LPAR1: variants seen among roughly 807,000 people sequenced by gnomAD.
LPAR1 encodes LPA receptor 1.
A neutral mutation model predicts 23.8 loss-of-function variants in LPAR1; 5 were observed. That is an observed-to-expected ratio of 0.21 (90% confidence interval 0.11 to 0.44). LPAR1 has a LOEUF of 0.44. Ranked by LOEUF, LPAR1 falls within the 20% of genes least tolerant of loss-of-function variation. The pLI, the probability that LPAR1 is intolerant of heterozygous loss-of-function variation, is 0.99. For missense variants in LPAR1, 311 were observed against 482.8 expected, an observed-to-expected ratio of 0.64 and a Z score of 3.33; for synonymous variants, 160 against 164.7, an observed-to-expected ratio of 0.97 and a Z score of 0.22.
chr9:110,893,852 C>T (rs1409384731), intron 5 of LPAR1, among the ~76,000 whole-genome samples: 1 of 152,090 alleles, frequency 6.6e-6, no homozygotes, highest in Non-Finnish European at 1.5e-5. Context: ...GTGTGCTGGC[C>T]TGCATGATGT....
chr9:110,960,469 A>G (rs991646407), intron 4 of LPAR1, among the ~76,000 whole-genome samples: 2 of 152,198 alleles, frequency 1.3e-5, no homozygotes, highest in African/African-American at 4.8e-5. Context: ...TAATGGAATT[A>G]GGAAGGAGTA....
At chr9:110,935,014 A>G (rs1293612616) in intron 5 of LPAR1, among the ~76,000 whole-genome samples, 6 of 152,242 alleles carry the variant, frequency 3.9e-5, no homozygotes, top group Non-Finnish European at 8.8e-5. Flanking sequence ...TCAGTTTCAG[A>G]TAACTTTTTT....
intron 5 of LPAR1, among the ~76,000 whole-genome samples, chr9:110,917,555 G>A (rs756515042): frequency 6.6e-6 from 1 of 152,084 alleles, no homozygotes; most frequent in Non-Finnish European, 1.5e-5. Flanking sequence ...AACCTTCACT[G>A]AGAAATGATA....
intron 4 of LPAR1, among the ~76,000 whole-genome samples, chr9:110,964,402 T>C (rs1206096404): frequency 6.6e-6 from 1 of 152,222 alleles, no homozygotes; most frequent in Admixed American, 6.5e-5. Flanking sequence ...ATTTATACTT[T>C]TGCTAAGTGT....
Position 110,941,790 on chromosome 9 carries a change from T to C in LPAR1, c.424A>G (p.Ile142Val), listed in dbSNP as rs1241307193. Reference protein sequence around the residue: ...LTASVANLLAIAIERHITVFR... With the variant: ...LTASVANLLAVAIERHITVFR... ...ACCGTAATGTGCCTCTCGATTGCAA[T>C]AGCCAGTAAGTTGGCCACAGATGCC... is the stretch of plus-strand genomic sequence containing the variant. Residue 142 changes from isoleucine (I) to valine (V), a missense_variant, in exon 5 of 6, where the codon ATT (isoleucine) becomes GTT (valine). Ile to Val is a conservative substitution (Grantham distance 29, BLOSUM62 3). Coordinates refer to ENST00000683809, the MANE Select transcript of LPAR1 (RefSeq NM_001351411.2). This position sits in a 1 kb window ranked among gnomAD's most constrained non-coding sequence, Gnocchi z 6.1. The C allele has an allele frequency of 1.2e-6, 2 of 1,614,052 alleles. No homozygotes were observed. Among genetic ancestry groups the C allele is most frequent in the South Asian group, 1.1e-5 (1 of 91,092 alleles).
intron 5 of LPAR1, among the ~76,000 whole-genome samples, chr9:110,939,771 A>G (rs986957149): frequency 5.9e-5 from 9 of 152,256 alleles, no homozygotes; most frequent in Non-Finnish European, 1.0e-4. Flanking sequence ...CAAGTTCAGT[A>G]GTCATTTGCT....
At chr9:110,947,441 C>T (rs560913307) in intron 4 of LPAR1, among the ~76,000 whole-genome samples, 31 of 152,236 alleles carry the variant, frequency 2.0e-4, no homozygotes, top group African/African-American at 7.0e-4. Context: ...TGATAGGGTT[C>T]GAGGGAAGTG....
chr9:110,982,987 A>C (rs113288152), intron 2 of LPAR1, among the ~76,000 whole-genome samples: 2,609 of 152,106 alleles, frequency 0.017, 80 homozygotes, highest in African/African-American at 0.058. Flanking sequence ...GACACCCATT[A>C]AGATAGCCAT....
At chr9:111,022,923 G>A (rs1012631790) in intron 2 of LPAR1, among the ~76,000 whole-genome samples, 4 of 151,820 alleles carry the variant, frequency 2.6e-5, no homozygotes, top group Non-Finnish European at 5.9e-5. Context: ...CATGGTGGCG[G>A]GTGCCTGTAG....
At chr9:110,959,092 G>C (rs369941520) in intron 4 of LPAR1, among the ~76,000 whole-genome samples, 13 of 141,104 alleles carry the variant, frequency 9.2e-5, no homozygotes, top group East Asian at 6.7e-4. Flanking sequence ...CAGAGAAAAG[G>C]GAACTCTTAT....
chr9:110,875,334 A>T lies in LPAR1; in HGVS notation c.*87T>A. On this transcript the variant is annotated 3_prime_UTR_variant, in exon 6 of 6. Coordinates refer to ENST00000683809, the MANE Select transcript of LPAR1 (RefSeq NM_001351411.2). ...CATGAGTTGACTTTTCTCCTCTCTC[A>T]CACCCCACCTTGCCCTGGCAATTGG... The T allele has an allele frequency of 8.3e-7, 1 of 1,199,120 alleles. No individual in the cohort carries two copies. Among genetic ancestry groups the T allele is most frequent in the Non-Finnish European group, 1.2e-6 (1 of 868,502 alleles). 74.3% of individuals were successfully genotyped at this position (1,199,120 alleles called of 1,614,324 possible). A position where few individuals can be genotyped will look rare whatever the true frequency, so the allele number is the denominator to read the frequency against.
intron 2 of LPAR1, among the ~76,000 whole-genome samples, chr9:111,030,332 A>G (rs1051169418): frequency 2.0e-5 from 3 of 152,206 alleles, no homozygotes; most frequent in African/African-American, 2.4e-5. Context: ...TCTCCCCACA[A>G]TCGTAGTCCA....
At chr9:110,938,091 T>G (rs73655701) in intron 5 of LPAR1, among the ~76,000 whole-genome samples, 3,482 of 152,258 alleles carry the variant, frequency 0.023, 129 homozygotes, top group African/African-American at 0.079. Flanking sequence ...TCAGCATTTA[T>G]TGACTACCTA....
At chr9:110,961,617 C>CAAAAAAAAAAAAAAAAAAA (rs57773067) in intron 4 of LPAR1, among the ~76,000 whole-genome samples, 1 of 79,866 alleles carries the variant, frequency 1.3e-5, no homozygotes, top group Non-Finnish European at 2.4e-5. Flanking sequence ...GAGACTATCT[C>CAAAAAAAAAAAAAAAAAAA]AAAAAAAAAA....
At chr9:110,898,757 TA>T (rs993541674) in intron 5 of LPAR1, among the ~76,000 whole-genome samples, 9 of 152,366 alleles carry the variant, frequency 5.9e-5, no homozygotes, top group African/African-American at 2.2e-4. Context: ...AATCTCTGGC[TA>T]ACTAAACTAG....
chr9:110,949,125 T>A lies in LPAR1; in HGVS notation c.46-6957A>T, dbSNP rs570689606. ...AATTAACACAAACCAAGGTCCTGAG[T>A]TGGTGATATCCCCATGCTCCTCCCA... On this transcript the variant is annotated intron_variant, in intron 4 of 5. Transcript: ENST00000683809. Among the ~76,000 whole-genome samples the A allele has an allele frequency of 4.6e-5, 7 of 152,090 alleles. No individual in the cohort carries two copies. In the South Asian group the frequency reaches 1.5e-3, roughly 32 times the overall value.
intron 5 of LPAR1, among the ~76,000 whole-genome samples, chr9:110,898,682 C>G (rs2087411002): frequency 6.6e-6 from 1 of 152,200 alleles, no homozygotes; most frequent in Non-Finnish European, 1.5e-5. Context: ...TTTTGACTAG[C>G]ACCAACTTCT....
intron 4 of LPAR1, among the ~76,000 whole-genome samples, chr9:110,965,769 T>G (rs539281991): frequency 6.6e-6 from 1 of 152,358 alleles, no homozygotes; most frequent in Non-Finnish European, 1.5e-5. Context: ...ATCCCATTAC[T>G]GGGTATATAC....
intron 5 of LPAR1, among the ~76,000 whole-genome samples, chr9:110,900,469 T>C (rs1211476958): frequency 6.6e-6 from 1 of 152,196 alleles, no homozygotes; most frequent in African/African-American, 2.4e-5. Context: ...CTAGAATAAT[T>C]TAAGATAAAG....
Sources: gnomAD v4.1 joint callset for allele counts (sites outside exome capture counted in the v4.1 genomes callset) on GRCh38, gnomAD v4.1.1 for gene constraint, Gnocchi (gnomAD v3.1) non-coding constraint, MANE v1.5 for transcripts, NCBI Gene and HGNC (gene_info 2026-07-23, HGNC 2026-07-21) for gene names.